The following HSD17B4 variants were observed in gnomAD, a reference collection of about 807,000 sequenced individuals.
The protein encoded by HSD17B4 is peroxisomal multifunctional enzyme type 2.
Under a neutral mutation model 101.0 loss-of-function variants are expected in HSD17B4, and 70 were observed. The ratio of observed to expected loss-of-function variants is 0.69; its 90% CI spans 0.57 to 0.85. HSD17B4 has a LOEUF of 0.85. Among genes scored for constraint, HSD17B4 ranks in the 40% least tolerant of loss-of-function variants. The pLI, the probability that HSD17B4 is intolerant of heterozygous loss-of-function variation, is 0.00. For synonymous variants in HSD17B4, 347 were observed against 297.1 expected (o/e 1.17, Z -1.73); for missense variants, 984 against 892.4 (o/e 1.10, Z -1.31).
intron 2 of HSD17B4, among the ~76,000 whole-genome samples, chr5:119,473,646 A>G (rs1453157901): frequency 1.3e-5 from 2 of 152,096 alleles, no homozygotes; most frequent in Non-Finnish European, 2.9e-5. Flanking sequence ...GAAAGAGGAA[A>G]AACACTGCAC....
intron 2 of HSD17B4, among the ~76,000 whole-genome samples, chr5:119,469,133 A>G (rs1370015022): frequency 6.9e-6 from 1 of 145,346 alleles, no homozygotes; most frequent in East Asian, 2.1e-4. Context: ...TGTTTTTCTG[A>G]TTTTCTTGTA....
Position 119,489,270 on chromosome 5 carries a change from G to A in HSD17B4, c.701G>A (p.Gly234Asp). 6.2e-7 allele frequency: 1 copy of A among 1,611,382 alleles called. No homozygotes were observed. Among genetic ancestry groups the A allele is most frequent in the Non-Finnish European group, 8.5e-7 (1 of 1,177,846 alleles). Residue 234 changes from glycine (G) to aspartate (D), a missense_variant, in exon 9 of 24, where the codon GGT (glycine) becomes GAT (aspartate). Coordinates refer to ENST00000510025, the MANE Select transcript of HSD17B4 (RefSeq NM_000414.4). ...TGTCACGAGAGTTGTGAGGAGAATG[G>A]TGGCTTGTTTGAGGTATTTGCACCT... is the stretch of plus-strand genomic sequence containing the variant. The part of the protein sequence containing the change: ...WLCHESCEEN[G>D]GLFEVGAGWI...
At chr5:119,455,443 G>A (rs1754521087) in intron 1 of HSD17B4, among the ~76,000 whole-genome samples, 1 of 152,010 alleles carries the variant, frequency 6.6e-6, no homozygotes, top group African/African-American at 2.4e-5. Context: ...CCTGAACCTG[G>A]GAGGTGGAGG....
intron 14 of HSD17B4, among the ~76,000 whole-genome samples, 169 bp from the exon 15 acceptor site, chr5:119,506,649 C>T (rs929577596): frequency 2.6e-5 from 4 of 152,188 alleles, no homozygotes; most frequent in African/African-American, 7.2e-5. Flanking sequence ...TAAAAGCGTT[C>T]TTATTTCTCC....
intron 18 of HSD17B4, 63 bp from the exon 19 acceptor site, chr5:119,525,854 C>G: frequency 1.1e-6 from 1 of 937,948 alleles, no homozygotes; most frequent in African/African-American, 1.6e-5. Context: ...CCTGAATTAA[C>G]TACACTTGAT....
chr5:119,488,136 A>G (rs1290028802), intron 8 of HSD17B4, among the ~76,000 whole-genome samples: 10 of 152,192 alleles, frequency 6.6e-5, no homozygotes, highest in Non-Finnish European at 1.2e-4. Context: ...CACAAATTGT[A>G]TCTCATTTGA....
At position 119,455,566 on chromosome 5, in the gene HSD17B4, C is replaced by CTATATA. The variant is rs145606093; in HGVS notation, c.59-748_59-747insATATAT. On this transcript the variant is annotated intron_variant, in intron 1 of 23. Transcript: ENST00000510025. ...TTTCTCTCTCTCTCTCTCTCTCTCT[C>CTATATA]TCTATATATATATATATAATTTCTT... Among the ~76,000 whole-genome samples the CTATATA allele has an allele frequency of 9.6e-3, 1,157 of 119,990 alleles. 7 individuals carry two copies. Among genetic ancestry groups the CTATATA allele is most frequent in the African/African-American group, 0.014 (455 of 33,690 alleles). The allele number at this position is 119,990 out of a possible 152,430, so 78.7% of individuals were successfully genotyped here.
chr5:119,509,450 TGAG>T (rs761257146), intron 16 of HSD17B4: 6 of 686,160 alleles, frequency 8.7e-6, no homozygotes. Context: ...GTGAGGATGA[TGAG>T]GATGAAGACC....
At chr5:119,473,602 T>C (rs891091022) in intron 2 of HSD17B4, among the ~76,000 whole-genome samples, 1 of 152,098 alleles carries the variant, frequency 6.6e-6, no homozygotes, top group African/African-American at 2.4e-5. Flanking sequence ...GAATTACGGG[T>C]ATAAGCCACC....
intron 8 of HSD17B4, among the ~76,000 whole-genome samples, chr5:119,481,847 G>A (rs189167323): frequency 6.6e-6 from 1 of 152,202 alleles, no homozygotes; most frequent in Admixed American, 6.5e-5. Flanking sequence ...TTTCCTCTTG[G>A]TTACATGGTT....
At chr5:119,452,779 T>A (rs1345805379) in intron 1 of HSD17B4, 146 bp downstream of exon 1, 2 of 1,556,880 alleles carry the variant, frequency 1.3e-6, no homozygotes, top group African/African-American at 2.7e-5. Flanking sequence ...GCACCGCATC[T>A]CTTGAGGAGG....
intron 13 of HSD17B4, among the ~76,000 whole-genome samples, chr5:119,500,209 A>G (rs187297359): frequency 6.6e-6 from 1 of 152,046 alleles, no homozygotes; most frequent in Non-Finnish European, 1.5e-5. Context: ...TTAAGAGTCT[A>G]TTATAGTAAT....
At chr5:119,501,310 CTT>C (rs1330653771) in intron 13 of HSD17B4, among the ~76,000 whole-genome samples, 4 of 149,738 alleles carry the variant, frequency 2.7e-5, no homozygotes, top group Non-Finnish European at 1.5e-5. Flanking sequence ...CCTTCTTCTT[CTT>C]CCTTTTTTTT....
chr5:119,492,049 A>G (rs765354074), intron 9 of HSD17B4, 51 bp from the exon 10 acceptor site: 1 of 1,443,398 alleles, frequency 6.9e-7, no homozygotes, highest in Non-Finnish European at 9.8e-7. Context: ...AAACAATTGT[A>G]TTAGTGATTT....
chr5:119,456,390 T>C (rs766158964), intron 2 of HSD17B4, 22 bp downstream of exon 2: 4 of 1,486,050 alleles, frequency 2.7e-6, no homozygotes, highest in Non-Finnish European at 3.8e-6. Flanking sequence ...TGTTTTTCTT[T>C]TTAATCTGTA....
chr5:119,455,568 C>CTCTATA (rs35030315), intron 1 of HSD17B4, among the ~76,000 whole-genome samples: 5,097 of 136,320 alleles, frequency 0.037, 124 homozygotes, highest in African/African-American at 0.066. Context: ...CTCTCTCTCT[C>CTCTATA]TATATATATA....
chr5:119,502,001 A>T, intron 13 of HSD17B4, 40 bp from the exon 14 acceptor site: 1 of 1,298,508 alleles, frequency 7.7e-7, no homozygotes, highest in Non-Finnish European at 1.1e-6. Flanking sequence ...CCTGTGGAGC[A>T]AGAAAGTTTG....
intron 3 of HSD17B4, 50 bp downstream of exon 3, chr5:119,474,065 A>G (rs1272403163): frequency 1.3e-5 from 12 of 944,116 alleles, no homozygotes; most frequent in African/African-American, 3.2e-5. Context: ...AACTAATGCT[A>G]TTTGTCACAT....
At chr5:119,482,898 T>C (rs78156609) in intron 8 of HSD17B4, among the ~76,000 whole-genome samples, 1 of 145,996 alleles carries the variant, frequency 6.8e-6, no homozygotes, top group Non-Finnish European at 1.5e-5. Flanking sequence ...TTTTTTAGCC[T>C]TTTTTTTTTT....
Sources: gnomAD v4.1 joint callset for allele counts (sites outside exome capture counted in the v4.1 genomes callset) on GRCh38, gnomAD v4.1.1 for gene constraint, MANE v1.5 for transcripts, NCBI Gene and HGNC (gene_info 2026-07-23, HGNC 2026-07-21) for gene names.